Variants in HMGCS1 observed in about 807,000 individuals in gnomAD.
HMGCS1 encodes the protein 3-hydroxy-3-methylglutaryl-CoA synthase 1.
HMGCS1 carries 9 observed loss-of-function variants against 52.3 expected under a neutral mutation model. The ratio of observed to expected loss-of-function variants is 0.17; its 90% CI spans 0.10 to 0.30. The LOEUF is 0.30. Among genes scored for constraint, HMGCS1 ranks in the 10% least tolerant of loss-of-function variants. The pLI, the probability that HMGCS1 is intolerant of heterozygous loss-of-function variation, is 1.00. For missense variants in HMGCS1, 320 were observed against 620.9 expected (o/e 0.52, Z 5.15); for synonymous variants, 176 against 214.4 (o/e 0.82, Z 1.57).
At chr5:43,296,633 A>T (rs1363841543) in intron 5 of HMGCS1, among the ~76,000 whole-genome samples, 2 of 152,228 alleles carry the variant, frequency 1.3e-5, no homozygotes, top group Non-Finnish European at 2.9e-5. Context: ...TTGGGGTAAG[A>T]TCACTTTAGT....
intron 10 of HMGCS1, among the ~76,000 whole-genome samples, chr5:43,291,428 G>T (rs561992232): frequency 1.3e-5 from 2 of 151,518 alleles, no homozygotes; most frequent in South Asian, 4.2e-4. Flanking sequence ...TTATCCATAT[G>T]GGGGGGAGAG....
chr5:43,291,558 T>A lies in HMGCS1; in HGVS notation c.1474-338A>T, dbSNP rs72754514. Among the ~76,000 whole-genome samples the A allele has an allele frequency of 4.5e-3, 682 of 152,284 alleles. 1 individual carries two copies. The highest frequency in any genetic ancestry group is 8.1e-3 in the South Asian group (39 of 4,824). ...TTTGTATAATAGCAAAAAGCAAGAC[T>A]ATCCATTTACCAAACTTGTAGTAAG... On this transcript the variant is annotated intron_variant, in intron 10 of 10. Coordinates refer to ENST00000325110, the MANE Select transcript of HMGCS1 (RefSeq NM_001098272.3).
chr5:43,299,473 C>A (rs1296161067), intron 2 of HMGCS1, among the ~76,000 whole-genome samples: 1 of 151,044 alleles, frequency 6.6e-6, no homozygotes, highest in Non-Finnish European at 1.5e-5. Flanking sequence ...CATGGTGAAA[C>A]CCCGTCTCTA....
chr5:43,301,442 C>A (rs7720165), intron 2 of HMGCS1, among the ~76,000 whole-genome samples: 68,614 of 151,934 alleles, frequency 0.45, 16,247 homozygotes, highest in Middle Eastern at 0.61. Context: ...ACTCCGGAAT[C>A]AATTTAGTGG....
At position 43,294,150 on chromosome 5, in the gene HMGCS1, C is replaced by G; in HGVS notation, c.1089G>C (p.Gln363His). The part of the protein sequence containing the change: ...LASVLAQYSP[Q>H]QLAGKRIGVF... Reference sequence around the variant, plus strand: ...CTCCAATTCTCTTCCCTGCTAATTGCTGAGGTGAGTACCTATGTAGGGTGT... The same window carrying G: ...CTCCAATTCTCTTCCCTGCTAATTGGTGAGGTGAGTACCTATGTAGGGTGT... Residue 363 changes from glutamine to histidine, a missense_variant, in exon 8 of 11, where the codon CAG (glutamine) becomes CAC (histidine). Around this residue, in one of 3 missense-constraint regions of HMGCS1, gnomAD observed 213 missense variants for 337.4 expected, o/e 0.63. Coordinates refer to ENST00000325110, the MANE Select transcript of HMGCS1 (RefSeq NM_001098272.3). 1 of 1,609,422 alleles carries G rather than the reference C, an allele frequency of 6.2e-7. No individual in the cohort carries two copies. The highest frequency in any genetic ancestry group is 8.5e-7 in the Non-Finnish European group (1 of 1,175,782).
chr5:43,297,196 A>G, intron 4 of HMGCS1, 30 bp from the exon 5 acceptor site: 1 of 1,579,836 alleles, frequency 6.3e-7, no homozygotes, highest in Non-Finnish European at 8.6e-7. Flanking sequence ...AGATGTCTAT[A>G]TATTTCTGCT....
At chr5:43,300,838 A>G (rs1008794716) in intron 2 of HMGCS1, among the ~76,000 whole-genome samples, 15 of 151,294 alleles carry the variant, frequency 9.9e-5, no homozygotes, top group African/African-American at 3.6e-4. Context: ...CTTAAGGGAT[A>G]CCAGTTGTAT....
At chr5:43,293,877 C>T in intron 8 of HMGCS1, 179 bp downstream of exon 8, 1 of 506,000 alleles carries the variant, frequency 2.0e-6, no homozygotes, top group Non-Finnish European at 3.6e-6. Flanking sequence ...CCTCACCTGG[C>T]TAATTTTTGT....
chr5:43,293,977 A>G, intron 8 of HMGCS1, 79 bp downstream of exon 8: 1 of 942,890 alleles, frequency 1.1e-6, no homozygotes, highest in Non-Finnish European at 1.7e-6. Context: ...GGCCTCCCAA[A>G]CTGCTGGGAT....
intron 2 of HMGCS1, among the ~76,000 whole-genome samples, chr5:43,306,428 T>C (rs538144676): frequency 6.6e-6 from 1 of 152,300 alleles, no homozygotes; most frequent in East Asian, 1.9e-4. Flanking sequence ...CTGCCTCTGC[T>C]CTCTTCTCTG....
At chr5:43,292,394 A>T in intron 10 of HMGCS1, 80 bp downstream of exon 10, 1 of 1,198,362 alleles carries the variant, frequency 8.3e-7, no homozygotes, top group Non-Finnish European at 1.2e-6. Flanking sequence ...ACTCTTCTTT[A>T]CTGACATTTA....
At position 43,294,820 on chromosome 5, in the gene HMGCS1, T is replaced by G. The variant is rs1240788259; in HGVS notation, c.947A>C (p.Glu316Ala). 6.2e-7 allele frequency: 1 copy of G among 1,611,326 alleles called. No individual in the cohort carries two copies. Among genetic ancestry groups the G allele is most frequent in the African/African-American group, 1.3e-5 (1 of 74,862 alleles). Residue 316 changes from glutamate (E) to alanine (A), a missense_variant, in exon 7 of 11, where the codon GAG becomes GCG. Physicochemically the swap from Glu to Ala is moderately radical, Grantham distance 107. Coordinates refer to ENST00000325110, the MANE Select transcript of HMGCS1 (RefSeq NM_001098272.3). Reference protein sequence around the residue: ...LEDTYFDRDVEKAFMKASSEL... With the variant: ...LEDTYFDRDVAKAFMKASSEL... ...AGAGCTAGCCTTCATAAATGCCTTC[T>G]CCACATCTCTATCAAAGTAGGTGTC... is the stretch of plus-strand genomic sequence containing the variant.
intron 2 of HMGCS1, among the ~76,000 whole-genome samples, chr5:43,301,918 A>C (rs1754338241): frequency 1.3e-5 from 2 of 152,252 alleles, no homozygotes; most frequent in Admixed American, 6.5e-5. Flanking sequence ...GCACACTGTC[A>C]GATACACTAA....
rs774424570 is a variant in HMGCS1, at chr5:43,295,732, C to T, written c.905+20G>A. 1.9e-6 allele frequency: 3 copies of T among 1,583,194 alleles called. No homozygotes were observed. The highest frequency in any genetic ancestry group is 1.1e-5 in the South Asian group (1 of 88,902). ...AATGCTCTAATATAGAAGGAAAAAA[C>T]TCATAATAGCTCCTCTTACCCAAAG... On this transcript the variant is annotated intron_variant, in intron 6 of 10. Transcript: ENST00000325110.
intron 7 of HMGCS1, chr5:43,294,455 T>G (rs1753933049): frequency 1.0e-5 from 5 of 491,566 alleles, no homozygotes; most frequent in Middle Eastern, 5.3e-4. Flanking sequence ...GGTCAAGAAT[T>G]AAAAAACCAT....
At chr5:43,299,697 CAAT>C (rs1754215552) in intron 2 of HMGCS1, among the ~76,000 whole-genome samples, 2 of 151,272 alleles carry the variant, frequency 1.3e-5, no homozygotes, top group Admixed American at 6.6e-5. Flanking sequence ...ATCAATCAAT[CAAT>C]CATGTATTCA....
chr5:43,293,409 A>C (rs1753875674), intron 8 of HMGCS1, among the ~76,000 whole-genome samples: 1 of 152,132 alleles, frequency 6.6e-6, no homozygotes, highest in African/African-American at 2.4e-5. Flanking sequence ...ATAATTTTAA[A>C]AAGTAATGTC....
intron 10 of HMGCS1, among the ~76,000 whole-genome samples, chr5:43,291,733 T>G (rs1753776670): frequency 1.3e-5 from 2 of 152,162 alleles, no homozygotes; most frequent in Non-Finnish European, 2.9e-5. Context: ...TCAAGGAGGT[T>G]GTTGTAAGGA....
intron 2 of HMGCS1, among the ~76,000 whole-genome samples, chr5:43,303,317 A>G (rs1015029356): frequency 6.6e-6 from 1 of 152,338 alleles, no homozygotes; most frequent in Middle Eastern, 3.4e-3. Context: ...AGATGAGGTC[A>G]TGAGAATGGG....
Sources: gnomAD v4.1 joint callset for allele counts (sites outside exome capture counted in the v4.1 genomes callset) on GRCh38, gnomAD v4.1.1 for gene constraint, gnomAD v4.1.1 regional missense constraint, MANE v1.5 for transcripts, NCBI Gene and HGNC (gene_info 2026-07-23, HGNC 2026-07-21) for gene names.